FAM184A: variants seen among roughly 807,000 people sequenced by gnomAD.
The protein encoded by FAM184A is protein FAM184A.
A neutral mutation model predicts 143.8 loss-of-function variants in FAM184A; 99 were observed. The observed-to-expected ratio is 0.69, with a 90% CI of 0.58 to 0.81. The LOEUF (loss-of-function observed/expected upper bound fraction) is 0.81, where lower values mean the gene tolerates loss of function less well. FAM184A is among the 40% of genes least tolerant of loss of function. The pLI, the probability that FAM184A is intolerant of heterozygous loss-of-function variation, is 0.00. For missense variants in FAM184A, 1,217 were observed against 1,310.5 expected, an observed-to-expected ratio of 0.93 and a Z score of 1.10; for synonymous variants, 427 against 446.4, an observed-to-expected ratio of 0.96 and a Z score of 0.55.
chr6:119,119,975 C>T (rs1459848470), intron 1 of FAM184A, among the ~76,000 whole-genome samples: 1 of 152,110 alleles, frequency 6.6e-6, no homozygotes, highest in Non-Finnish European at 1.5e-5. Context: ...CACAGCAAGA[C>T]CCTGCCCCAA....
At chr6:119,031,060 T>C (rs916784533) in intron 1 of FAM184A, among the ~76,000 whole-genome samples, 7 of 152,216 alleles carry the variant, frequency 4.6e-5, no homozygotes, top group Non-Finnish European at 7.3e-5. Context: ...TAAGCAATAG[T>C]AATTTTTACT....
intron 1 of FAM184A, among the ~76,000 whole-genome samples, chr6:119,031,736 C>A (rs1172757552): frequency 2.0e-5 from 3 of 152,194 alleles, no homozygotes; most frequent in Admixed American, 1.3e-4. Context: ...TTTAACTGGA[C>A]CTTAATTGTT....
chr6:119,025,626 ACT>A (rs1785605327), intron 1 of FAM184A: 1 of 518,242 alleles, frequency 1.9e-6, no homozygotes, highest in African/African-American at 1.9e-5. Context: ...GCACAGTAAC[ACT>A]CTCCTTCCTT....
intron 17 of FAM184A, among the ~76,000 whole-genome samples, chr6:118,961,500 A>C (rs1421283265): frequency 2.0e-5 from 3 of 151,958 alleles, no homozygotes; most frequent in African/African-American, 7.2e-5. Flanking sequence ...ATTGTGCATA[A>C]TATTAAAATT....
chr6:119,141,658 G>A (rs972440779), intron 1 of FAM184A, among the ~76,000 whole-genome samples: 3 of 151,960 alleles, frequency 2.0e-5, no homozygotes, highest in Non-Finnish European at 4.4e-5. Flanking sequence ...TGTATTTTTA[G>A]TAGAGATGAG....
intron 6 of FAM184A, among the ~76,000 whole-genome samples, chr6:119,010,127 C>A (rs778581078): frequency 1.3e-5 from 2 of 152,166 alleles, no homozygotes; most frequent in East Asian, 3.8e-4. Context: ...TGGGAGAAGA[C>A]TCCCTTTCTT....
chr6:119,062,030 T>G (rs1321809767), intron 1 of FAM184A, among the ~76,000 whole-genome samples: 1 of 152,086 alleles, frequency 6.6e-6, no homozygotes, highest in East Asian at 1.9e-4. Context: ...TGGACTGAAC[T>G]GCTTGAGGCT....
intron 1 of FAM184A, among the ~76,000 whole-genome samples, chr6:119,058,404 T>C (rs1399747271): frequency 2.0e-5 from 3 of 151,964 alleles, no homozygotes; most frequent in African/African-American, 7.2e-5. Context: ...GGTTTTGCCA[T>C]GTGGGCCAGG....
intron 1 of FAM184A, among the ~76,000 whole-genome samples, chr6:119,104,065 C>T (rs1037895181): frequency 8.6e-5 from 13 of 151,538 alleles, no homozygotes; most frequent in Admixed American, 5.3e-4. Flanking sequence ...GAGATAGGGT[C>T]TTGCCCTATT....
chr6:119,013,528 C>T (rs954659746), intron 5 of FAM184A, among the ~76,000 whole-genome samples: 1 of 152,168 alleles, frequency 6.6e-6, no homozygotes. Context: ...ACTCTGAACA[C>T]GTGATACAGG....
intron 14 of FAM184A, among the ~76,000 whole-genome samples, chr6:118,973,385 G>A (rs569450100): frequency 6.6e-6 from 1 of 152,272 alleles, no homozygotes; most frequent in South Asian, 2.1e-4. Context: ...CAACACAGGA[G>A]GTTATTCTAG....
At chr6:119,067,781 G>T (rs1787512898) in intron 1 of FAM184A, among the ~76,000 whole-genome samples, 3 of 152,008 alleles carry the variant, frequency 2.0e-5, no homozygotes, top group Admixed American at 2.0e-4. Flanking sequence ...GACAGCTATG[G>T]TCCCCAACAA....
intron 6 of FAM184A, among the ~76,000 whole-genome samples, chr6:119,007,947 A>G (rs1784976437): frequency 6.6e-6 from 1 of 152,214 alleles, no homozygotes; most frequent in Admixed American, 6.5e-5. Flanking sequence ...TCAAGAAAAA[A>G]AAAAAACAGT....
Position 118,964,663 on chromosome 6 carries a change from A to T in FAM184A, c.3138+4T>A. 1 of 1,540,046 alleles carries T rather than the reference A, an allele frequency of 6.5e-7. No individual in the cohort carries two copies. Among genetic ancestry groups the T allele is most frequent in the Non-Finnish European group, 9.0e-7 (1 of 1,117,294 alleles). ...TCCTATTCTACAGTGTTTACGGCAC[A>T]TACCTTAGCCAATGGATTAATAACA... On this transcript the variant is annotated splice_donor_region_variant and intron_variant, in intron 16 of 17. Coordinates refer to ENST00000338891, the MANE Select transcript of FAM184A (RefSeq NM_024581.6).
chr6:119,074,179 T>C (rs1787790295), intron 1 of FAM184A, among the ~76,000 whole-genome samples: 1 of 152,232 alleles, frequency 6.6e-6, no homozygotes, highest in East Asian at 1.9e-4. Flanking sequence ...TCTTCACTAA[T>C]CAAGTAAAAG....
At chr6:119,102,784 C>CAAAAAAAA (rs58686018) in intron 1 of FAM184A, among the ~76,000 whole-genome samples, 28 of 30,084 alleles carry the variant, frequency 9.3e-4, no homozygotes, top group African/African-American at 2.2e-3. Flanking sequence ...GACTCCATCT[C>CAAAAAAAA]AAAAAAAAAA....
At chr6:119,002,738 G>T (rs1221726952) in intron 9 of FAM184A, among the ~76,000 whole-genome samples, 161 bp downstream of exon 9, 1 of 152,042 alleles carries the variant, frequency 6.6e-6, no homozygotes, top group Admixed American at 6.6e-5. Context: ...TGTTTTATAA[G>T]TTTATAAATA....
At chr6:119,056,242 G>C (rs1786968537) in intron 1 of FAM184A, among the ~76,000 whole-genome samples, 1 of 152,178 alleles carries the variant, frequency 6.6e-6, no homozygotes, top group East Asian at 1.9e-4. Context: ...ATTTAAGATA[G>C]GGTCAGACAG....
intron 11 of FAM184A, among the ~76,000 whole-genome samples, chr6:118,977,045 C>T (rs991477206): frequency 5.9e-5 from 9 of 152,160 alleles, no homozygotes; most frequent in African/African-American, 2.2e-4. Flanking sequence ...CTCCTAGGCA[C>T]TTATCCCAGA....
Sources: gnomAD v4.1 joint callset for allele counts (sites outside exome capture counted in the v4.1 genomes callset) on GRCh38, gnomAD v4.1.1 for gene constraint, MANE v1.5 for transcripts, NCBI Gene and HGNC (gene_info 2026-07-23, HGNC 2026-07-21) for gene names.